Variants in PHF14 observed in about 807,000 individuals in gnomAD.
PHF14 encodes PHD finger protein 14.
PHF14 carries 55 observed loss-of-function variants against 117.9 expected under a neutral mutation model. The ratio of observed to expected loss-of-function variants is 0.47; its 90% confidence interval spans 0.38 to 0.58. The LOEUF (loss-of-function observed/expected upper bound fraction) is 0.58. Ranked by LOEUF, PHF14 falls within the 20% of genes least tolerant of loss-of-function variation. PHF14 has a pLI of 0.00. For synonymous variants in PHF14, 409 were observed against 368.6 expected (o/e 1.11, Z -1.26); for missense variants, 978 against 1,122.2 (o/e 0.87, Z 1.84).
intron 2 of PHF14, among the ~76,000 whole-genome samples, chr7:10,976,073 C>T (rs1024069246): frequency 2.6e-5 from 4 of 152,180 alleles, no homozygotes; most frequent in Non-Finnish European, 5.9e-5. Context: ...AAAGAACTGG[C>T]ATGAGGTCAC....
intron 17 of PHF14, among the ~76,000 whole-genome samples, chr7:11,158,232 G>A (rs1476605331): frequency 6.6e-6 from 1 of 151,980 alleles, no homozygotes; most frequent in Non-Finnish European, 1.5e-5. Context: ...TCCAGTCTGT[G>A]GCAATTCTTT....
chr7:11,151,191 A>C (rs531414829), intron 17 of PHF14, among the ~76,000 whole-genome samples: 3 of 152,220 alleles, frequency 2.0e-5, no homozygotes, highest in African/African-American at 7.2e-5. Context: ...TTATTGAACA[A>C]TGTGGTTGCC....
At chr7:10,985,836 A>G (rs1280719181) in intron 3 of PHF14, among the ~76,000 whole-genome samples, 1 of 151,774 alleles carries the variant, frequency 6.6e-6, no homozygotes, top group Non-Finnish European at 1.5e-5. Context: ...TATTTTTAGT[A>G]GAGGTGGGGT....
intron 4 of PHF14, among the ~76,000 whole-genome samples, chr7:11,002,067 C>G (rs1397138439): frequency 6.6e-6 from 1 of 151,870 alleles, no homozygotes; most frequent in Non-Finnish European, 1.5e-5. Flanking sequence ...TGTTTTGAGA[C>G]AGAGTCTCAC....
At chr7:11,006,846 C>T in intron 4 of PHF14, 2 of 658,034 alleles carry the variant, frequency 3.0e-6, no homozygotes, top group South Asian at 2.8e-5. Flanking sequence ...GGGACAGGAG[C>T]TTCCTTCACT....
At chr7:11,003,298 C>A (rs1380893716) in intron 4 of PHF14, among the ~76,000 whole-genome samples, 1 of 152,208 alleles carries the variant, frequency 6.6e-6, no homozygotes, top group Non-Finnish European at 1.5e-5. Flanking sequence ...ATCCCATACC[C>A]TGACCATTTG....
chr7:11,035,313 T>C (rs1254859641), intron 7 of PHF14, among the ~76,000 whole-genome samples: 1 of 152,064 alleles, frequency 6.6e-6, no homozygotes, highest in East Asian at 1.9e-4. Flanking sequence ...TTGGTATCCT[T>C]GGGGGGTCCT....
chr7:11,165,281 T>C (rs1339105169), intron 17 of PHF14, among the ~76,000 whole-genome samples: 1 of 152,320 alleles, frequency 6.6e-6, no homozygotes, highest in African/African-American at 2.4e-5. Flanking sequence ...ATCTGATGTT[T>C]TCTCAGATTA....
At chr7:11,136,017 A>C (rs1049455033) in intron 17 of PHF14, among the ~76,000 whole-genome samples, 13 of 152,198 alleles carry the variant, frequency 8.5e-5, no homozygotes, top group Admixed American at 2.0e-4. Flanking sequence ...AAAATGTAGA[A>C]AAAAATTGGT....
intron 4 of PHF14, among the ~76,000 whole-genome samples, chr7:11,004,172 G>A (rs924280465): frequency 1.3e-5 from 2 of 149,566 alleles, no homozygotes; most frequent in Non-Finnish European, 2.9e-5. Flanking sequence ...GCTTGAGCCA[G>A]GGAGTTCAAG....
intron 4 of PHF14, among the ~76,000 whole-genome samples, chr7:11,001,922 C>T (rs770726673): frequency 4.4e-4 from 67 of 152,276 alleles, no homozygotes; most frequent in Non-Finnish European, 9.0e-4. Context: ...TTGCCTCATA[C>T]CTCATCTTTG....
chr7:11,114,578 G>T (rs1353573870), intron 17 of PHF14, among the ~76,000 whole-genome samples: 3 of 152,020 alleles, frequency 2.0e-5, no homozygotes, highest in African/African-American at 7.2e-5. Context: ...TCACCTAAAA[G>T]TAGAAGAATG....
chr7:11,067,115 G>A (rs1367623082), intron 16 of PHF14, among the ~76,000 whole-genome samples: 4 of 152,062 alleles, frequency 2.6e-5, no homozygotes, highest in South Asian at 2.1e-4. Context: ...GGACAACTCA[G>A]CAATAAGAAA....
At position 11,013,895 on chromosome 7, in the gene PHF14, A is replaced by G; in HGVS notation, c.1194A>G (p.Thr398=). ...CPNQDGIFKE[T]DAGRWVHIVC... ...ATCAGGATGGAATTTTCAAGGAGACAGATGCTGGAAGGTTAATGTCCTAAT... is the reference window on the plus strand; with the variant it reads ...ATCAGGATGGAATTTTCAAGGAGACGGATGCTGGAAGGTTAATGTCCTAAT... The change falls in exon 5 of 18, where the codon ACA becomes ACG. Residue 398 remains threonine, a synonymous_variant. Coordinates refer to ENST00000634607, the MANE Select transcript of PHF14 (RefSeq NM_001007157.2). 1 of 1,600,322 alleles carries G rather than the reference A, an allele frequency of 6.2e-7. No homozygotes were observed. The highest frequency in any genetic ancestry group is 8.5e-7 in the Non-Finnish European group (1 of 1,169,738).
intron 16 of PHF14, among the ~76,000 whole-genome samples, chr7:11,075,585 TTTTTTA>T (rs1164457539): frequency 1.8e-3 from 213 of 119,856 alleles, no homozygotes; most frequent in African/African-American, 3.4e-3. Context: ...TTTTTTTTTT[TTTTTTA>T]TTATTATGCC....
At chr7:10,996,487 AAG>A (rs1169012764) in intron 4 of PHF14, among the ~76,000 whole-genome samples, 1 of 152,200 alleles carries the variant, frequency 6.6e-6, no homozygotes, top group East Asian at 1.9e-4. Flanking sequence ...CTGTTTCAAA[AAG>A]AGAGTCAGTA....
In PHF14 at chr7:10,974,098, G is replaced by C. The variant is rs1781776880; in HGVS notation, c.-226G>C. 1 of 529,510 alleles carries C rather than the reference G, an allele frequency of 1.9e-6. No homozygotes were observed. 32.8% of individuals were successfully genotyped at this position (529,510 alleles called of 1,614,324 possible). On this transcript the variant is annotated 5_prime_UTR_variant, in exon 1 of 18. Coordinates refer to ENST00000634607, the MANE Select transcript of PHF14 (RefSeq NM_001007157.2). Reference sequence around the variant, plus strand: ...AGGTCTTCTCCGGCCAGGGAGCGCTGTGGGAAGGGGCTCGAGCGGCCAGGG... The same window carrying C: ...AGGTCTTCTCCGGCCAGGGAGCGCTCTGGGAAGGGGCTCGAGCGGCCAGGG...
chr7:11,110,577 A>G, intron 16 of PHF14: 6 of 946,870 alleles, frequency 6.3e-6, no homozygotes, highest in Non-Finnish European at 7.5e-6. Context: ...TAGATTTTGC[A>G]CATCATAGGT....
intron 17 of PHF14, among the ~76,000 whole-genome samples, chr7:11,139,746 T>C (rs1292222932): frequency 6.6e-6 from 1 of 152,160 alleles, no homozygotes; most frequent in African/African-American, 2.4e-5. Flanking sequence ...CTAGAAAATA[T>C]AAGACAGATA....
Sources: allele counts gnomAD v4.1 joint callset (sites outside exome capture counted in the v4.1 genomes callset), GRCh38; gene constraint gnomAD v4.1.1; transcripts MANE v1.5; gene names NCBI Gene and HGNC (gene_info 2026-07-23, HGNC 2026-07-21).